PRR5L: variants seen among roughly 807,000 people sequenced by gnomAD.
PRR5L encodes the protein proline-rich protein 5-like.
Under a neutral mutation model 36.4 loss-of-function variants are expected in PRR5L, and 21 were observed. The ratio of observed to expected loss-of-function variants is 0.58; its 90% CI spans 0.41 to 0.83. The LOEUF (loss-of-function observed/expected upper bound fraction) is 0.83. PRR5L is among the 40% of genes least tolerant of loss of function. The probability of loss-of-function intolerance (pLI) is 0.00; values close to 1 mark genes in which losing one functional copy is unlikely to be tolerated. For missense variants in PRR5L, 381 were observed against 473.3 expected (o/e 0.80, Z 1.81); for synonymous variants, 188 against 197.0 (o/e 0.95, Z 0.38).
chr11:36,333,653 T>C (rs2133474220), intron 1 of PRR5L, among the ~76,000 whole-genome samples: 1 of 152,166 alleles, frequency 6.6e-6, no homozygotes, highest in East Asian at 1.9e-4. Context: ...AGTCAGTTTA[T>C]AGAAAGCTAT....
At chr11:36,367,251 T>C (rs1014097356) in intron 1 of PRR5L, among the ~76,000 whole-genome samples, 2 of 152,226 alleles carry the variant, frequency 1.3e-5, no homozygotes, top group African/African-American at 4.8e-5. Flanking sequence ...AATAAAATAC[T>C]AGGCTTTGCC....
chr11:36,406,819 T>C (rs1224566036), intron 3 of PRR5L, among the ~76,000 whole-genome samples: 2 of 152,324 alleles, frequency 1.3e-5, no homozygotes, highest in East Asian at 3.9e-4. Flanking sequence ...TCCTGTTATA[T>C]GCAAGAGGGT....
rs1474826048 is a variant in PRR5L, at chr11:36,344,468, A to G, written c.-126+48030A>G. 6.6e-6 allele frequency among the ~76,000 whole-genome samples: 1 copy of G among 152,192 alleles called. No individual in the cohort carries two copies. Among genetic ancestry groups the G allele is most frequent in the Non-Finnish European group, 1.5e-5 (1 of 68,020 alleles). On this transcript the variant is annotated intron_variant, in intron 1 of 8. Transcript: ENST00000530639. The surrounding 1 kb of genome is among the most constrained non-coding windows in gnomAD (Gnocchi z 4.1). ...ATTTTTAAGGCAAACATAATGTTCC[A>G]TTCTATGGCTATATTGTACCACCTG...
chr11:36,318,192 C>G (rs1487248728), intron 1 of PRR5L, among the ~76,000 whole-genome samples: 1 of 152,194 alleles, frequency 6.6e-6, no homozygotes, highest in Non-Finnish European at 1.5e-5. Context: ...GCTGTACCAT[C>G]TAGGTTTGTA....
intron 1 of PRR5L, among the ~76,000 whole-genome samples, chr11:36,393,604 G>A (rs1324895510): frequency 6.6e-6 from 1 of 152,124 alleles, no homozygotes; most frequent in Non-Finnish European, 1.5e-5. Context: ...TTTGAAGTCA[G>A]GTAATGTGAT....
intron 1 of PRR5L, among the ~76,000 whole-genome samples, chr11:36,392,615 C>T (rs1272455191): frequency 2.6e-5 from 4 of 152,192 alleles, no homozygotes; most frequent in Non-Finnish European, 4.4e-5. Context: ...CTACCTGAGA[C>T]TGGGTAATTT....
intron 1 of PRR5L, among the ~76,000 whole-genome samples, chr11:36,372,803 T>C (rs961352800): frequency 6.6e-6 from 1 of 152,228 alleles, no homozygotes; most frequent in South Asian, 2.1e-4. Flanking sequence ...TATTTTTGCA[T>C]GACGTTTTCT....
In PRR5L at chr11:36,462,324, C is replaced by T. The variant is rs756457402; in HGVS notation, c.713-18C>T. On this transcript the variant is annotated intron_variant, in intron 8 of 8. Coordinates refer to ENST00000530639, the MANE Select transcript of PRR5L (RefSeq NM_001160167.2). The stretch of plus-strand genomic sequence containing the variant: ...ACCCCCTCCCCAATAACAGTCTTTG[C>T]TGATTTTTCTCTTGCAGCCAGGCGG... 2.9e-5 allele frequency: 43 copies of T among 1,490,286 alleles called. No individual in the cohort carries two copies. The highest frequency in any genetic ancestry group is 3.7e-5 in the Non-Finnish European group (41 of 1,120,530). The allele number at this position is 1,490,286 out of a possible 1,614,324, so 92.3% of individuals were successfully genotyped here.
At position 36,465,069 on chromosome 11, in the gene PRR5L, T is replaced by A. The variant is rs1859268905; in HGVS notation, c.*2333T>A. 6.6e-6 allele frequency: 1 copy of A among 152,198 alleles called. No individual in the cohort carries two copies. 9.4% of individuals were successfully genotyped at this position (152,198 alleles called of 1,614,324 possible). On this transcript the variant is annotated 3_prime_UTR_variant, in exon 9 of 9. Transcript: ENST00000530639. ...TTTTTCTCTCCTAGATTCATTTTCA[T>A]TATTTATGCTAGGATTTTCTTATGG...
At chr11:36,440,616 C>T (rs1858701055) in intron 6 of PRR5L, among the ~76,000 whole-genome samples, 1 of 152,126 alleles carries the variant, frequency 6.6e-6, no homozygotes, top group South Asian at 2.1e-4. Context: ...CAAAGTGGTT[C>T]AAAGCATGAG....
Position 36,389,845 on chromosome 11 carries a change from T to C in PRR5L, c.-125-11152T>C, listed in dbSNP as rs451959. On this transcript the variant is annotated intron_variant, in intron 1 of 8. Coordinates refer to ENST00000530639, the MANE Select transcript of PRR5L (RefSeq NM_001160167.2). ...CCAGGCTGGTCTCGAACTCCTGAGC[T>C]CAGGTGATCCACCCGCCTTGGCCTC... Among the ~76,000 whole-genome samples the C allele has an allele frequency of 4.0e-3, 608 of 152,238 alleles. 4 individuals carry two copies. The highest frequency in any genetic ancestry group is 0.013 in the African/African-American group (542 of 41,532).
At chr11:36,390,741 G>A (rs977654267) in intron 1 of PRR5L, among the ~76,000 whole-genome samples, 32 of 152,152 alleles carry the variant, frequency 2.1e-4, no homozygotes, top group Non-Finnish European at 4.1e-4. Flanking sequence ...GATGCACTCC[G>A]ATATTTTCTA....
At chr11:36,383,302 C>A (rs1384595363) in intron 1 of PRR5L, among the ~76,000 whole-genome samples, 1 of 152,176 alleles carries the variant, frequency 6.6e-6, no homozygotes, top group East Asian at 1.9e-4. Flanking sequence ...TTTCTTGAGG[C>A]TTAGCTCTGT....
At chr11:36,303,264 A>G (rs1351632212) in intron 1 of PRR5L, among the ~76,000 whole-genome samples, 10 of 152,262 alleles carry the variant, frequency 6.6e-5, no homozygotes, top group Non-Finnish European at 8.8e-5. Context: ...AGTGAAATCT[A>G]TAGGACTTGG....
intron 1 of PRR5L, among the ~76,000 whole-genome samples, chr11:36,352,525 C>G (rs1426366536): frequency 6.6e-6 from 1 of 152,106 alleles, no homozygotes; most frequent in Non-Finnish European, 1.5e-5. Context: ...CCCCTTTCCC[C>G]TTTACAGATG....
chr11:36,311,961 G>GC (rs1427572399), intron 1 of PRR5L, among the ~76,000 whole-genome samples: 3 of 152,118 alleles, frequency 2.0e-5, no homozygotes, highest in Non-Finnish European at 2.9e-5. Flanking sequence ...GAATGAAGAT[G>GC]CCCCCCTGAA....
intron 4 of PRR5L, among the ~76,000 whole-genome samples, chr11:36,427,101 T>C (rs1175958327): frequency 6.6e-6 from 1 of 152,188 alleles, no homozygotes; most frequent in Non-Finnish European, 1.5e-5. Flanking sequence ...GACTGGGTGG[T>C]TTTAGACGCC....
In PRR5L at chr11:36,446,377, CCTG is replaced by C. The variant is rs755686645; in HGVS notation, c.532_534del (p.Leu178del). The stretch of plus-strand genomic sequence containing the variant: ...TCTTGCTGAAGGTGAAGCTGGGTGA[CCTG>C]CTGCTGCTGGCCCAGTCCAAGCTGC... On this transcript the variant is annotated inframe_deletion, in exon 7 of 9. Transcript: ENST00000530639. 4.5e-5 allele frequency: 73 copies of C among 1,613,988 alleles called. No homozygotes were observed. Among genetic ancestry groups the C allele is most frequent in the Non-Finnish European group, 6.0e-5 (71 of 1,180,006 alleles).
rs144223345 is a variant in PRR5L at position 36,453,747 on chromosome 11, C to T, written c.712+2412C>T. ...TCTGAGGGGGAAAGTACAGGGGCCA[C>T]GGGTCCCAGGGCACAGGGATTTCAT... On this transcript the variant is annotated intron_variant, in intron 8 of 8. Transcript: ENST00000530639. Among the ~76,000 whole-genome samples the T allele has an allele frequency of 6.8e-4, 103 of 152,226 alleles. 2 individuals are homozygous for T. The highest frequency in any genetic ancestry group is 5.4e-3 in the South Asian group (26 of 4,824).
Sources: allele counts gnomAD v4.1 joint callset (sites outside exome capture counted in the v4.1 genomes callset), GRCh38; gene constraint gnomAD v4.1.1; non-coding constraint Gnocchi (gnomAD v3.1); transcripts MANE v1.5; gene names NCBI Gene and HGNC (gene_info 2026-07-23, HGNC 2026-07-21).